The following MAPRE2 variants were observed in gnomAD, a reference collection of about 807,000 sequenced individuals.
The protein encoded by MAPRE2 is microtubule associated protein RP/EB family member 2.
In MAPRE2, 13 loss-of-function variants were observed where a neutral mutation model predicts 43.2. The ratio of observed to expected loss-of-function variants is 0.30; its 90% CI spans 0.20 to 0.48. The LOEUF (loss-of-function observed/expected upper bound fraction) is 0.48. Ranked by LOEUF, MAPRE2 falls within the 20% of genes least tolerant of loss-of-function variation. MAPRE2 has a pLI of 0.99. For missense variants in MAPRE2, 161 were observed against 400.2 expected, an observed-to-expected ratio of 0.40 and a Z score of 5.10; for synonymous variants, 135 against 148.8, an observed-to-expected ratio of 0.91 and a Z score of 0.68.
intron 4 of MAPRE2, among the ~76,000 whole-genome samples, chr18:35,126,565 G>A (rs919430051): frequency 4.6e-5 from 7 of 152,188 alleles, no homozygotes; most frequent in Non-Finnish European, 8.8e-5. Flanking sequence ...TTGGTTATAA[G>A]ATCTTTTCTC....
intron 2 of MAPRE2, chr18:35,082,360 C>T (rs1051599299): frequency 7.3e-5 from 11 of 151,524 alleles, no homozygotes; most frequent in African/African-American, 2.7e-4. Context: ...TCTCTAAAGA[C>T]GTTTGTGCCC....
intron 2 of MAPRE2, among the ~76,000 whole-genome samples, chr18:35,095,008 A>G (rs1308002948): frequency 6.6e-6 from 1 of 152,170 alleles, no homozygotes. Flanking sequence ...CTCCCCAGGT[A>G]GTAGGTGTCC....
chr18:34,997,650 T>TA (rs1179874082), intron 1 of MAPRE2, among the ~76,000 whole-genome samples: 1 of 152,130 alleles, frequency 6.6e-6, no homozygotes, highest in Non-Finnish European at 1.5e-5. Context: ...ACCCCGTCTC[T>TA]ACTAAAAATA....
intron 2 of MAPRE2, among the ~76,000 whole-genome samples, chr18:35,094,221 A>T (rs1908298724): frequency 6.6e-6 from 1 of 152,220 alleles, no homozygotes; most frequent in Non-Finnish European, 1.5e-5. Flanking sequence ...CTTGTACCCC[A>T]TAATGTATAT....
At chr18:35,065,657 G>A (rs1431407531) in intron 1 of MAPRE2, among the ~76,000 whole-genome samples, 5 of 151,978 alleles carry the variant, frequency 3.3e-5, no homozygotes, top group Admixed American at 6.6e-5. Context: ...GGGTTCAAGC[G>A]ATTCTCCTGC....
intron 4 of MAPRE2, among the ~76,000 whole-genome samples, chr18:35,122,079 G>A (rs1909701889): frequency 6.6e-6 from 1 of 152,176 alleles, no homozygotes; most frequent in Non-Finnish European, 1.5e-5. Context: ...TAACTCTAAA[G>A]AGTTATGCTG....
At chr18:35,041,353 C>T, upstream of MAPRE2, 4 of 1,443,246 alleles carry the variant, frequency 2.8e-6, no homozygotes, top group Admixed American at 2.8e-5. Flanking sequence ...GCTGCCGGCG[C>T]TCTGACGTCA....
intron 6 of MAPRE2, among the ~76,000 whole-genome samples, chr18:35,133,357 G>A (rs541541542): frequency 6.6e-6 from 1 of 151,964 alleles, no homozygotes; most frequent in South Asian, 2.1e-4. Flanking sequence ...TTTCCATGAT[G>A]GCTTCATAAA....
intron 2 of MAPRE2, among the ~76,000 whole-genome samples, chr18:35,024,722 G>C (rs1037717840): frequency 6.6e-6 from 1 of 152,136 alleles, no homozygotes; most frequent in African/African-American, 2.4e-5. Context: ...AGTAAATTTA[G>C]TATTGTCCTT....
intron 4 of MAPRE2, among the ~76,000 whole-genome samples, chr18:35,124,408 A>C (rs1909820160): frequency 6.6e-6 from 1 of 152,178 alleles, no homozygotes; most frequent in Admixed American, 6.5e-5. Context: ...ACTACAATTC[A>C]AGATGAGATT....
chr18:35,076,821 G>A (rs1375038984), intron 2 of MAPRE2, among the ~76,000 whole-genome samples: 36 of 152,174 alleles, frequency 2.4e-4, no homozygotes, highest in Non-Finnish European at 4.4e-5. Flanking sequence ...TGGGAGGAAT[G>A]CACCAGATAC....
intron 1 of MAPRE2, among the ~76,000 whole-genome samples, chr18:35,063,406 CT>C (rs1483802368): frequency 3.3e-5 from 5 of 151,954 alleles, no homozygotes; most frequent in Non-Finnish European, 7.4e-5. Context: ...TGCGCCCGGC[CT>C]CAGAACATTT....
At chr18:35,052,110 C>T (rs1905967693) in intron 1 of MAPRE2, among the ~76,000 whole-genome samples, 2 of 152,156 alleles carry the variant, frequency 1.3e-5, no homozygotes, top group Non-Finnish European at 1.5e-5. Flanking sequence ...CAGTAAACTG[C>T]AGCCATTTAA....
chr18:35,056,206 T>C (rs1906222684), intron 1 of MAPRE2, among the ~76,000 whole-genome samples: 3 of 152,134 alleles, frequency 2.0e-5, no homozygotes, highest in African/African-American at 7.2e-5. Flanking sequence ...CATCCAACTT[T>C]AATGAAATAT....
At chr18:35,089,761 A>G (rs1274247370) in intron 2 of MAPRE2, among the ~76,000 whole-genome samples, 1 of 152,222 alleles carries the variant, frequency 6.6e-6, no homozygotes, top group Non-Finnish European at 1.5e-5. Flanking sequence ...CAGAGTTACC[A>G]CATGACCCAG....
At chr18:35,100,358 T>C (rs1908618586) in intron 3 of MAPRE2, among the ~76,000 whole-genome samples, 1 of 152,246 alleles carries the variant, frequency 6.6e-6, no homozygotes, top group African/African-American at 2.4e-5. Context: ...GGAATGCTTA[T>C]ACACTGTTGG....
chr18:34,984,117 T>A (rs940912665), intron 1 of MAPRE2, among the ~76,000 whole-genome samples: 3 of 152,146 alleles, frequency 2.0e-5, no homozygotes, highest in African/African-American at 7.2e-5. Context: ...ATCCAGAAAT[T>A]CAAAATTCAT....
At chr18:34,985,035 A>G (rs2097018692) in intron 1 of MAPRE2, among the ~76,000 whole-genome samples, 1 of 48,846 alleles carries the variant, frequency 2.0e-5, no homozygotes. Flanking sequence ...TATAAAATAT[A>G]TAATATATAA....
intron 1 of MAPRE2, among the ~76,000 whole-genome samples, chr18:35,052,557 A>G (rs1399651826): frequency 6.6e-6 from 1 of 152,106 alleles, no homozygotes; most frequent in African/African-American, 2.4e-5. Context: ...AGGTGTTTTC[A>G]TTTCTCTGGG....
Sources: gnomAD v4.1 joint callset for allele counts (sites outside exome capture counted in the v4.1 genomes callset) on GRCh38, gnomAD v4.1.1 for gene constraint, MANE v1.5 for transcripts, NCBI Gene and HGNC (gene_info 2026-07-23, HGNC 2026-07-21) for gene names.